Variants in CCDC148 observed in about 807,000 individuals in gnomAD.
The protein encoded by CCDC148 is coiled-coil domain-containing protein 148.
In CCDC148, 89 loss-of-function variants were observed where a neutral mutation model predicts 85.7. The observed-to-expected ratio is 1.04, with a 90% CI of 0.87 to 1.24. CCDC148 has a LOEUF of 1.24. CCDC148 is among the 50% of genes most tolerant of loss of function. The probability of loss-of-function intolerance (pLI) is 0.00; values close to 1 mark genes in which losing one functional copy is unlikely to be tolerated. For synonymous variants in CCDC148, 230 were observed against 213.9 expected (o/e 1.08, Z -0.66); for missense variants, 692 against 671.7 (o/e 1.03, Z -0.33).
chr2:158,322,903 C>G (rs369943785), intron 7 of CCDC148, among the ~76,000 whole-genome samples: 5 of 152,150 alleles, frequency 3.3e-5, no homozygotes, highest in East Asian at 1.9e-4. Flanking sequence ...GTAGAAATTA[C>G]TTGCCATCAT....
intron 1 of CCDC148, among the ~76,000 whole-genome samples, chr2:158,411,774 G>A (rs1255055453): frequency 2.0e-5 from 3 of 152,248 alleles, no homozygotes; most frequent in South Asian, 2.1e-4. Context: ...GTAGTATTGT[G>A]TTGGTGTCTG....
intron 2 of CCDC148, among the ~76,000 whole-genome samples, chr2:158,354,440 C>G (rs1574678388): frequency 1.3e-5 from 2 of 151,802 alleles, no homozygotes; most frequent in African/African-American, 2.4e-5. Flanking sequence ...TCAGAGAATA[C>G]TACAAACACC....
rs755837321 is a variant in CCDC148 at position 158,176,617 on chromosome 2, A to G, written c.1533T>C (p.Asp511=). 1 of 1,612,144 alleles carries G rather than the reference A, an allele frequency of 6.2e-7. No homozygotes were observed. The highest frequency in any genetic ancestry group is 1.1e-5 in the South Asian group (1 of 91,006). ...CCATTCTAGCTTTTGATGCCATTGT[A>G]TCTGACATCATTCTAACAGGATCAA... ...AQFDPVRMMS[D]TMASKARMGI... Residue 511 remains aspartate, a synonymous_variant, in exon 13 of 14, where the codon GAT becomes GAC. Coordinates refer to ENST00000283233, the MANE Select transcript of CCDC148 (RefSeq NM_138803.4).
At chr2:158,429,598 A>G (rs985844305) in intron 1 of CCDC148, among the ~76,000 whole-genome samples, 2 of 152,232 alleles carry the variant, frequency 1.3e-5, no homozygotes, top group African/African-American at 2.4e-5. Flanking sequence ...GTAAGTGCAT[A>G]CATAAACAAA....
chr2:158,426,592 C>T (rs950141826), intron 1 of CCDC148, among the ~76,000 whole-genome samples: 1 of 152,138 alleles, frequency 6.6e-6, no homozygotes, highest in African/African-American at 2.4e-5. Context: ...TAAACACAAA[C>T]TTTGAATTTG....
At chr2:158,251,349 C>A (rs1184010712) in intron 9 of CCDC148, among the ~76,000 whole-genome samples, 2 of 151,704 alleles carry the variant, frequency 1.3e-5, no homozygotes, top group African/African-American at 2.4e-5. Context: ...GAATGGAAAA[C>A]AGGCCTGAAT....
chr2:158,393,501 A>C (rs1324526530), intron 1 of CCDC148, among the ~76,000 whole-genome samples: 2 of 152,130 alleles, frequency 1.3e-5, no homozygotes, highest in African/African-American at 4.8e-5. Context: ...AAACACAGAT[A>C]TTTGAGTGAT....
At chr2:158,448,783 CATGTT>C (rs1288861356) in intron 1 of CCDC148, among the ~76,000 whole-genome samples, 1 of 152,062 alleles carries the variant, frequency 6.6e-6, no homozygotes, top group Non-Finnish European at 1.5e-5. Context: ...TCTTCTTTCT[CATGTT>C]ATTATAAGTG....
chr2:158,449,479 G>C (rs911681574), intron 1 of CCDC148, among the ~76,000 whole-genome samples: 1 of 148,354 alleles, frequency 6.7e-6, no homozygotes, highest in African/African-American at 2.5e-5. Context: ...AGACAGTCTC[G>C]CTCTGTCGCC....
chr2:158,419,262 A>C (rs898820085), intron 1 of CCDC148, among the ~76,000 whole-genome samples: 2 of 152,190 alleles, frequency 1.3e-5, no homozygotes, highest in African/African-American at 4.8e-5. Context: ...AAGTCATCAA[A>C]TAGCTCTATG....
intron 7 of CCDC148, among the ~76,000 whole-genome samples, chr2:158,331,708 T>C (rs1693135044): frequency 6.6e-6 from 1 of 152,224 alleles, no homozygotes; most frequent in South Asian, 2.1e-4. Flanking sequence ...GGTGCACATA[T>C]ATTTAGGATA....
chr2:158,376,558 A>G (rs1239518803), intron 1 of CCDC148, among the ~76,000 whole-genome samples: 1 of 152,094 alleles, frequency 6.6e-6, no homozygotes, highest in East Asian at 1.9e-4. Flanking sequence ...TTTTGAATAA[A>G]TAAGAGGTAA....
intron 1 of CCDC148, among the ~76,000 whole-genome samples, chr2:158,419,528 T>C (rs1365081344): frequency 1.3e-5 from 2 of 152,146 alleles, no homozygotes; most frequent in Non-Finnish European, 2.9e-5. Context: ...TTTGAACAAT[T>C]TGCTTAATTT....
intron 9 of CCDC148, 148 bp from the exon 10 acceptor site, chr2:158,251,060 T>C (rs1688773361): frequency 1.5e-6 from 1 of 650,004 alleles, no homozygotes; most frequent in South Asian, 2.9e-5. Context: ...CTGTGTGATG[T>C]ATCTGTGAAA....
intron 8 of CCDC148, 95 bp from the exon 9 acceptor site, chr2:158,309,734 C>T: frequency 2.1e-6 from 2 of 932,946 alleles, no homozygotes; most frequent in South Asian, 3.5e-5. Context: ...TGAATTATAA[C>T]CAATGATTTT....
Position 158,348,865 on chromosome 2 carries a change from T to C in CCDC148, c.148-3547A>G, listed in dbSNP as rs559246800. Reference sequence around the variant, plus strand: ...AGAGGCTTGAGCTGGACAAGAAGTATCTAAGCAAAGAAATTCAAATTTAAA... The same window carrying C: ...AGAGGCTTGAGCTGGACAAGAAGTACCTAAGCAAAGAAATTCAAATTTAAA... On this transcript the variant is annotated intron_variant, in intron 2 of 13. Coordinates refer to ENST00000283233, the MANE Select transcript of CCDC148 (RefSeq NM_138803.4). Among the ~76,000 whole-genome samples, 6 of 152,190 alleles carry C rather than the reference T, an allele frequency of 3.9e-5. No homozygotes were observed. In the South Asian group the frequency reaches 1.2e-3, roughly 32 times the overall value.
rs370087904 is a variant in CCDC148 at position 158,344,673 on chromosome 2, T to C, written c.251+542A>G. Among the ~76,000 whole-genome samples the C allele has an allele frequency of 9.2e-5, 14 of 152,202 alleles. 1 individual carries two copies. In the South Asian group the frequency reaches 1.5e-3, roughly 16 times the overall value. On this transcript the variant is annotated intron_variant, in intron 3 of 13. Transcript: ENST00000283233. ...ATCAATATTTCATTTTATCTTTACG[T>C]GACAGCTGGAAATAATAACAAAAGT...
chr2:158,253,541 T>G (rs1688887541), intron 9 of CCDC148, among the ~76,000 whole-genome samples: 1 of 151,718 alleles, frequency 6.6e-6, no homozygotes, highest in Admixed American at 6.6e-5. Flanking sequence ...GTATGTTGAA[T>G]AAAATGTTGG....
chr2:158,360,293 G>C (rs1683876104), intron 1 of CCDC148, among the ~76,000 whole-genome samples: 1 of 152,146 alleles, frequency 6.6e-6, no homozygotes, highest in East Asian at 1.9e-4. Flanking sequence ...CCTTGCAGCG[G>C]ATCTCCAAGC....
Sources: gnomAD v4.1 joint callset for allele counts (sites outside exome capture counted in the v4.1 genomes callset) on GRCh38, gnomAD v4.1.1 for gene constraint, MANE v1.5 for transcripts, NCBI Gene and HGNC (gene_info 2026-07-23, HGNC 2026-07-21) for gene names.